Variants in AKR1C2 observed in about 807,000 individuals in gnomAD.
AKR1C2 encodes 3-alpha-HSD3.
In AKR1C2, 27 loss-of-function variants were observed where a neutral mutation model predicts 39.8. The observed-to-expected ratio is 0.68, with a 90% CI of 0.50 to 0.93. The LOEUF is 0.93. Ranked by LOEUF, AKR1C2 falls within the 40% of genes least tolerant of loss-of-function variation. The pLI, the probability that AKR1C2 is intolerant of heterozygous loss-of-function variation, is 0.00. For synonymous variants in AKR1C2, 114 were observed against 137.9 expected, an observed-to-expected ratio of 0.83 and a Z score of 1.22; for missense variants, 263 against 365.1, an observed-to-expected ratio of 0.72 and a Z score of 2.28.
At chr10:5,011,160 C>T (rs1309947737) in intron 1 of AKR1C2, among the ~76,000 whole-genome samples, 2 of 151,978 alleles carry the variant, frequency 1.3e-5, no homozygotes, top group South Asian at 2.1e-4. Flanking sequence ...CCAACAACAA[C>T]AATAACAAGA....
In AKR1C2 at chr10:5,001,812, C is replaced by T. The variant is rs138586832; in HGVS notation, c.85-131G>A. ...TGAGCTCTGTATGTAGAATCATAAG[C>T]CCATCCCAGTCTGACTGGGTCTTTC... On this transcript the variant is annotated intron_variant, in intron 1 of 8. Transcript: ENST00000380753. The T allele has an allele frequency of 2.9e-4, 356 of 1,227,982 alleles. 2 individuals are homozygous for T. In the African/African-American group the frequency reaches 4.8e-3, roughly 17 times the overall value. 76.1% of individuals were successfully genotyped at this position (1,227,982 alleles called of 1,614,324 possible). A position where few individuals can be genotyped will look rare whatever the true frequency, so the allele number is the denominator to read the frequency against.
intron 1 of AKR1C2, among the ~76,000 whole-genome samples, chr10:5,002,499 G>C (rs797025931): frequency 9.2e-5 from 14 of 152,302 alleles, no homozygotes; most frequent in African/African-American, 3.4e-4. Flanking sequence ...TAAGGATATT[G>C]ATTTGTGTAT....
At chr10:4,999,016 T>C (rs1837163780) in intron 4 of AKR1C2, among the ~76,000 whole-genome samples, 184 bp downstream of exon 4, 1 of 152,112 alleles carries the variant, frequency 6.6e-6, no homozygotes, top group Non-Finnish European at 1.5e-5. Flanking sequence ...CCAATTCTTC[T>C]CCTCCACTTC....
chr10:5,001,820 A>G, intron 1 of AKR1C2, 139 bp from the exon 2 acceptor site: 1 of 1,155,914 alleles, frequency 8.7e-7, no homozygotes, highest in Middle Eastern at 2.0e-4. Flanking sequence ...AGCCCATCCC[A>G]GTCTGACTGG....
intron 3 of AKR1C2, 156 bp downstream of exon 3, chr10:5,000,394 G>A (rs1554773703): frequency 1.3e-6 from 2 of 1,559,470 alleles, no homozygotes; most frequent in East Asian, 2.4e-5. Context: ...ATTGCTTTCT[G>A]TTCCATAGAA....
chr10:5,016,931 A>T (rs570175630), intron 1 of AKR1C2, among the ~76,000 whole-genome samples: 110 of 152,366 alleles, frequency 7.2e-4, no homozygotes, highest in African/African-American at 2.5e-3. Flanking sequence ...CATTGGGGCT[A>T]GCATCCTCTA....
Position 5,000,595 on chromosome 10 carries a change from C to G in AKR1C2, c.324G>C (p.Leu108Phe). ...GAATAAGATAGAGGTCAACATAGTC[C>G]AATTGAAGATTTTTCAGTGACCTTT... Reference protein sequence around the residue: ...ALERSLKNLQLDYVDLYLIHF... With the variant: ...ALERSLKNLQFDYVDLYLIHF... Residue 108 changes from leucine to phenylalanine, a missense_variant, in exon 3 of 9, where the codon TTG becomes TTC. Physicochemically the swap from Leu to Phe is conservative, Grantham distance 22. Transcript: ENST00000380753. 1 of 1,613,954 alleles carries G rather than the reference C, an allele frequency of 6.2e-7. No homozygotes were observed. The highest frequency in any genetic ancestry group is 8.5e-7 in the Non-Finnish European group (1 of 1,179,900).
Position 4,999,510 on chromosome 10 carries a change from G to A in AKR1C2, c.370-233C>T, listed in dbSNP as rs567971497. The A allele has an allele frequency of 2.5e-4, 197 of 788,548 alleles. No homozygotes were observed. In the African/African-American group the frequency reaches 2.6e-3, roughly 10 times the overall value. The allele number at this position is 788,548 out of a possible 1,614,324, so 48.8% of individuals were successfully genotyped here. A position where few individuals can be genotyped will look rare whatever the true frequency, so the allele number is the denominator to read the frequency against. On this transcript the variant is annotated intron_variant, in intron 3 of 8. Coordinates refer to ENST00000380753, the MANE Select transcript of AKR1C2 (RefSeq NM_001393392.1). ...TGTATAAATAAATACCATCTTTCTG[G>A]TTCCTAATGGAGTGTCATCATTGAC...
At chr10:5,006,913 A>AT (rs1554774465), upstream of AKR1C2, among the ~76,000 whole-genome samples, 1 of 151,310 alleles carries the variant, frequency 6.6e-6, no homozygotes, top group African/African-American at 2.4e-5. Flanking sequence ...AGCTGGGACT[A>AT]CAGGCGTGCA....
intron 8 of AKR1C2, among the ~76,000 whole-genome samples, chr10:4,991,257 C>T (rs537228550): frequency 1.3e-5 from 2 of 151,666 alleles, no homozygotes; most frequent in East Asian, 1.9e-4. Context: ...CTAAGACAGA[C>T]TTTCTGGAGG....
upstream of AKR1C2, chr10:5,004,688 T>A (rs1368397835): frequency 6.6e-6 from 1 of 151,412 alleles, no homozygotes; most frequent in Non-Finnish European, 1.5e-5. Context: ...TGGTAACTAA[T>A]GACATATAAA....
chr10:5,016,879 T>C (rs540700286), intron 1 of AKR1C2, among the ~76,000 whole-genome samples: 1 of 152,236 alleles, frequency 6.6e-6, no homozygotes, highest in Non-Finnish European at 1.5e-5. Flanking sequence ...TCTCTTAGTC[T>C]CTGAGCAGGC....
intron 5 of AKR1C2, among the ~76,000 whole-genome samples, chr10:4,996,387 TCA>T (rs1301315652): frequency 6.0e-5 from 9 of 151,258 alleles, no homozygotes; most frequent in Admixed American, 3.3e-4. Context: ...CTGATAATTT[TCA>T]CAGTCTTTCA....
intron 7 of AKR1C2, among the ~76,000 whole-genome samples, chr10:4,994,443 C>T (rs1229343004): frequency 2.8e-4 from 43 of 152,030 alleles, no homozygotes; most frequent in Non-Finnish European, 4.9e-4. Flanking sequence ...GTTTCCCCAC[C>T]CCTTGAGTCT....
At chr10:5,006,609 C>G (rs1176603953), upstream of AKR1C2, 8 of 151,758 alleles carry the variant, frequency 5.3e-5, no homozygotes, top group African/African-American at 1.9e-4. Context: ...AAAACAACAA[C>G]AAAAATAAAA....
At chr10:5,004,298 G>A (rs1166523922), upstream of AKR1C2, among the ~76,000 whole-genome samples, 5 of 152,102 alleles carry the variant, frequency 3.3e-5, no homozygotes, top group Admixed American at 3.3e-4. Context: ...TGACTAATGA[G>A]CATTTCTTTA....
chr10:4,997,543 C>T (rs1206397145), intron 5 of AKR1C2, among the ~76,000 whole-genome samples: 1 of 151,790 alleles, frequency 6.6e-6, no homozygotes, highest in Admixed American at 6.6e-5. Context: ...TGTATTTATG[C>T]AGATATACTC....
intron 2 of AKR1C2, among the ~76,000 whole-genome samples, chr10:5,001,109 T>G (rs1255274972): frequency 6.6e-6 from 1 of 152,232 alleles, no homozygotes; most frequent in Non-Finnish European, 1.5e-5. Context: ...GGTATCACTC[T>G]TTTATACTCA....
rs559614328 is a variant in AKR1C2 at position 5,012,525 on chromosome 10, G to A, written c.-88+5375C>T. Among the ~76,000 whole-genome samples, 4 of 150,336 alleles carry A rather than the reference G, an allele frequency of 2.7e-5. 1 individual carries two copies. The highest frequency in any genetic ancestry group is 1.0e-4 in the African/African-American group (4 of 39,984). On this transcript the variant is annotated intron_variant, in intron 1 of 6. Coordinates refer to the AKR1C2 transcript ENST00000604507. ...ACCCATAGGGAAGAGATCCTAAGAT[G>A]CCATGCAGTTGGCTTTCAAGATAGA...
Sources: gnomAD v4.1 joint callset for allele counts (sites outside exome capture counted in the v4.1 genomes callset) on GRCh38, gnomAD v4.1.1 for gene constraint, MANE v1.5 for transcripts, NCBI Gene and HGNC (gene_info 2026-07-23, HGNC 2026-07-21) for gene names.